Variants in LRRC49 observed in about 807,000 individuals in gnomAD.
LRRC49 encodes leucine-rich repeat-containing protein 49.
In LRRC49, 50 loss-of-function variants were observed where a neutral mutation model predicts 83.3. The ratio of observed to expected loss-of-function variants is 0.60; its 90% CI spans 0.48 to 0.76. LRRC49 has a LOEUF of 0.76. LRRC49 is among the 30% of genes least tolerant of loss of function. LRRC49 has a pLI of 0.00. For missense variants in LRRC49, 704 were observed against 809.1 expected, an observed-to-expected ratio of 0.87 and a Z score of 1.58; for synonymous variants, 286 against 283.3, an observed-to-expected ratio of 1.01 and a Z score of -0.10.
At chr15:70,974,538 A>C (rs1474476084) in intron 9 of LRRC49, among the ~76,000 whole-genome samples, 1 of 152,200 alleles carries the variant, frequency 6.6e-6, no homozygotes, top group African/African-American at 2.4e-5. Context: ...AAGTATGTGA[A>C]TGACAGAAAC....
At chr15:70,894,389 A>T (rs2033734192) in intron 2 of LRRC49, among the ~76,000 whole-genome samples, 1 of 152,218 alleles carries the variant, frequency 6.6e-6, no homozygotes, top group South Asian at 2.1e-4. Flanking sequence ...AGAAAAAAAT[A>T]GGTTAGCAGT....
chr15:70,859,019 G>T, intron 1 of LRRC49: 2 of 1,124,754 alleles, frequency 1.8e-6, no homozygotes, highest in Non-Finnish European at 2.7e-6. Flanking sequence ...CAACAAGTTT[G>T]CCTCCTTCAT....
chr15:70,940,691 G>C (rs1220663550), intron 8 of LRRC49, among the ~76,000 whole-genome samples: 1 of 152,190 alleles, frequency 6.6e-6, no homozygotes, highest in Non-Finnish European at 1.5e-5. Context: ...CTAGTATGCA[G>C]CATACTGTTA....
intron 1 of LRRC49, chr15:70,858,739 C>T: frequency 8.8e-7 from 1 of 1,142,338 alleles, no homozygotes; most frequent in East Asian, 2.4e-5. Flanking sequence ...CCCAGAAGTC[C>T]TACAAGATGT....
At chr15:70,987,058 T>G (rs954137495) in intron 11 of LRRC49, among the ~76,000 whole-genome samples, 4 of 152,222 alleles carry the variant, frequency 2.6e-5, no homozygotes, top group African/African-American at 9.6e-5. Context: ...TGAGGATTTT[T>G]GCATCAATGT....
rs1340541101 is a variant in LRRC49, at chr15:70,942,033, A to ATTTGTGTGTGTG, written c.773+5212_773+5213insTTGTGTGTGTGT. Among the ~76,000 whole-genome samples the ATTTGTGTGTGTG allele has an allele frequency of 1.1e-3, 158 of 144,184 alleles. 2 individuals carry two copies. Among genetic ancestry groups the ATTTGTGTGTGTG allele is most frequent in the African/African-American group, 3.8e-3 (146 of 38,778 alleles). 94.6% of individuals were successfully genotyped at this position (144,184 alleles called of 152,430 possible). ...CTCCATTTTTATTACTGTAAAGGTT[A>ATTTGTGTGTGTG]TGTGTGTGTGTGTGTGTGTGTGTGT... is the stretch of plus-strand genomic sequence containing the variant. On this transcript the variant is annotated intron_variant, in intron 8 of 15. Coordinates refer to ENST00000260382, the MANE Select transcript of LRRC49 (RefSeq NM_017691.5).
intron 15 of LRRC49, among the ~76,000 whole-genome samples, chr15:71,043,802 T>C (rs2039767372): frequency 6.6e-6 from 1 of 152,228 alleles, no homozygotes; most frequent in Admixed American, 6.5e-5. Flanking sequence ...GTGCCAGTTA[T>C]GAAGAATTTA....
At chr15:70,969,562 T>C (rs1188384308) in intron 9 of LRRC49, among the ~76,000 whole-genome samples, 2 of 152,192 alleles carry the variant, frequency 1.3e-5, no homozygotes, top group African/African-American at 4.8e-5. Context: ...ATATATAAAT[T>C]ACTTTGGGCA....
upstream of LRRC49, chr15:70,892,177 G>C: frequency 1.2e-6 from 2 of 1,611,176 alleles, no homozygotes; most frequent in East Asian, 2.2e-5. Context: ...AGCGGTCCCA[G>C]AGCAGCCGCA....
chr15:71,036,457 C>A (rs1258608444), intron 14 of LRRC49, among the ~76,000 whole-genome samples: 1 of 152,110 alleles, frequency 6.6e-6, no homozygotes, highest in Non-Finnish European at 1.5e-5. Flanking sequence ...TCCTCTTCTG[C>A]CCTCAATCTT....
intron 2 of LRRC49, among the ~76,000 whole-genome samples, chr15:70,874,613 T>C (rs1309867787): frequency 6.6e-6 from 1 of 152,210 alleles, no homozygotes; most frequent in African/African-American, 2.4e-5. Context: ...TATGTGAGTA[T>C]GGACAAATTG....
At chr15:70,933,877 G>A (rs1338566234) in intron 7 of LRRC49, among the ~76,000 whole-genome samples, 1 of 152,170 alleles carries the variant, frequency 6.6e-6, no homozygotes, top group African/African-American at 2.4e-5. Context: ...TGTTTTCCCT[G>A]AGATTAATAG....
At chr15:70,890,654 G>C (rs1461455390), upstream of LRRC49, among the ~76,000 whole-genome samples, 1 of 152,176 alleles carries the variant, frequency 6.6e-6, no homozygotes, top group African/African-American at 2.4e-5. Context: ...CGAAGAATGA[G>C]AGTACATAAC....
At chr15:70,980,287 A>G (rs1321895303) in intron 10 of LRRC49, 103 bp downstream of exon 10, 6 of 736,092 alleles carry the variant, frequency 8.2e-6, no homozygotes, top group Non-Finnish European at 1.3e-5. Flanking sequence ...AAACTTTGTA[A>G]GTTTTTTGTT....
chr15:70,860,052 C>A, intron 1 of LRRC49: 1 of 737,808 alleles, frequency 1.4e-6, no homozygotes, highest in South Asian at 1.4e-5. Context: ...GGCTCTGGCG[C>A]AGGCTCCAGC....
rs549022692 is a variant in LRRC49 at position 71,043,249 on chromosome 15, A to G, written c.1857+5917A>G. ...GGAGATATGGATTAAATCCTAATAC[A>G]AGTACCATTATAGTTAAAATTGCTC... On this transcript the variant is annotated intron_variant, in intron 15 of 15. Transcript: ENST00000260382. 3.9e-5 allele frequency among the ~76,000 whole-genome samples: 6 copies of G among 152,304 alleles called. No homozygotes were observed. The South Asian group carries it at 1.2e-3, about 32-fold the overall frequency.
At chr15:71,000,804 TTTA>T (rs1420713587) in intron 11 of LRRC49, among the ~76,000 whole-genome samples, 1 of 152,172 alleles carries the variant, frequency 6.6e-6, no homozygotes, top group Non-Finnish European at 1.5e-5. Flanking sequence ...TTCTTTATAG[TTTA>T]TTATTTTATA....
At position 70,895,942 on chromosome 15, in the gene LRRC49, G is replaced by C. The variant is rs2033819410; in HGVS notation, c.193+6G>C. The stretch of plus-strand genomic sequence containing the variant: ...AAACTACTCAAGTAGGCAAGGTATT[G>C]TCAGTGAATAGAGATCAGATGTGGT... On this transcript the variant is annotated splice_donor_region_variant and intron_variant, in intron 3 of 15. Coordinates refer to ENST00000260382, the MANE Select transcript of LRRC49 (RefSeq NM_017691.5). The C allele has an allele frequency of 6.5e-7, 1 of 1,545,876 alleles. No homozygotes were observed. The highest frequency in any genetic ancestry group is 8.9e-7 in the Non-Finnish European group (1 of 1,121,834).
chr15:70,957,906 T>C (rs1004032859), intron 8 of LRRC49, among the ~76,000 whole-genome samples: 2 of 152,186 alleles, frequency 1.3e-5, no homozygotes, highest in African/African-American at 4.8e-5. Flanking sequence ...TTTTTTATAG[T>C]TTAAAATTTC....
Sources: allele counts gnomAD v4.1 joint callset (sites outside exome capture counted in the v4.1 genomes callset), GRCh38; gene constraint gnomAD v4.1.1; transcripts MANE v1.5; gene names NCBI Gene and HGNC (gene_info 2026-07-23, HGNC 2026-07-21).